Variants in SCMH1 observed in about 807,000 individuals in gnomAD.
SCMH1 encodes the protein polycomb protein SCMH1.
Under a neutral mutation model 70.8 loss-of-function variants are expected in SCMH1, and 37 were observed. That is an observed-to-expected ratio of 0.52 (90% CI 0.40 to 0.69). The LOEUF is 0.69. Ranked by LOEUF, SCMH1 falls within the 30% of genes least tolerant of loss-of-function variation. The pLI is 0.00. For missense variants in SCMH1, 607 were observed against 827.3 expected (o/e 0.73, Z 3.27); for synonymous variants, 292 against 307.4 (o/e 0.95, Z 0.52).
chr1:41,177,355 A>G (rs1164488326), intron 2 of SCMH1, among the ~76,000 whole-genome samples: 1 of 152,080 alleles, frequency 6.6e-6, no homozygotes, highest in Non-Finnish European at 1.5e-5. Context: ...AAAGGAACAC[A>G]GCTCCCCACC....
chr1:41,028,593 A>G (rs780503002), exon 14 of SCMH1: 2 of 1,614,134 alleles, frequency 1.2e-6, no homozygotes, highest in Non-Finnish European at 1.7e-6. Context: ...CGTGTTTGCG[A>G]AACAGGTCAG....
At chr1:41,134,901 TA>T (rs1259265996) in intron 6 of SCMH1, among the ~76,000 whole-genome samples, 1 of 152,178 alleles carries the variant, frequency 6.6e-6, no homozygotes, top group Admixed American at 6.5e-5. Context: ...TCTGGTTTAT[TA>T]TTTTTTTTTG....
At chr1:41,084,511 A>G (rs1175745157) in intron 8 of SCMH1, among the ~76,000 whole-genome samples, 1 of 152,148 alleles carries the variant, frequency 6.6e-6, no homozygotes, top group East Asian at 1.9e-4. Flanking sequence ...AAATAGGAAC[A>G]CTTTTACACT....
At chr1:41,119,396 T>C (rs937900351) in intron 6 of SCMH1, among the ~76,000 whole-genome samples, 2 of 150,234 alleles carry the variant, frequency 1.3e-5, no homozygotes, top group Admixed American at 6.7e-5. Flanking sequence ...AAAACTGCCA[T>C]CACTTCCTTT....
Position 41,233,361 on chromosome 1 carries a change from G to GC in SCMH1, c.-118+8697dup, listed in dbSNP as rs1482752505. Among the ~76,000 whole-genome samples the GC allele has an allele frequency of 3.3e-5, 5 of 152,066 alleles. No homozygotes were observed. The East Asian group carries it at 9.6e-4, about 29-fold the overall frequency. On this transcript the variant is annotated intron_variant, in intron 1 of 14. Transcript: ENST00000337495. ...TCTGAAAAATCCACTAAACTAGCAAGCTAAGTTTTATCTTTATCAAAACCA... is the reference window on the plus strand; with the variant it reads ...TCTGAAAAATCCACTAAACTAGCAAGCCTAAGTTTTATCTTTATCAAAACCA...
chr1:41,117,324 C>T (rs971981131), intron 6 of SCMH1, among the ~76,000 whole-genome samples: 1 of 152,102 alleles, frequency 6.6e-6, no homozygotes, highest in Non-Finnish European at 1.5e-5. Flanking sequence ...GAGAAGTGAC[C>T]AGAAGACAAG....
intron 1 of SCMH1, among the ~76,000 whole-genome samples, chr1:41,189,478 TTC>T (rs1363030613): frequency 1.3e-5 from 2 of 152,186 alleles, no homozygotes; most frequent in Admixed American, 6.5e-5. Context: ...TCTCAGCTGA[TTC>T]TCTGTCTCCA....
chr1:41,047,203 T>C (rs1477314728), intron 11 of SCMH1, among the ~76,000 whole-genome samples: 2 of 151,970 alleles, frequency 1.3e-5, no homozygotes, highest in Non-Finnish European at 2.9e-5. Context: ...TTTGGGGAGA[T>C]AGGTCATTCT....
At chr1:41,177,106 C>T (rs943263834) in intron 2 of SCMH1, among the ~76,000 whole-genome samples, 1 of 152,198 alleles carries the variant, frequency 6.6e-6, no homozygotes, top group Non-Finnish European at 1.5e-5. Flanking sequence ...CTGCAGCCTC[C>T]GCTGCTGATA....
At chr1:41,219,925 C>T (rs550220823) in intron 1 of SCMH1, among the ~76,000 whole-genome samples, 5 of 147,648 alleles carry the variant, frequency 3.4e-5, no homozygotes, top group East Asian at 2.0e-4. Flanking sequence ...AGCAAGACTC[C>T]GTCTCACAAA....
At chr1:41,069,166 C>T (rs959107829) in intron 10 of SCMH1, among the ~76,000 whole-genome samples, 1 of 152,092 alleles carries the variant, frequency 6.6e-6, no homozygotes, top group Non-Finnish European at 1.5e-5. Context: ...CAATTGAGAA[C>T]AGCATTTAAC....
chr1:41,207,797 G>A (rs1304057703), intron 1 of SCMH1, among the ~76,000 whole-genome samples: 1 of 151,946 alleles, frequency 6.6e-6, no homozygotes, highest in Non-Finnish European at 1.5e-5. Context: ...AGAGGATGTG[G>A]AGAAATAGGA....
At chr1:41,134,469 A>G (rs1642945382) in intron 6 of SCMH1, among the ~76,000 whole-genome samples, 1 of 152,208 alleles carries the variant, frequency 6.6e-6, no homozygotes, top group South Asian at 2.1e-4. Context: ...AAGGGTATTC[A>G]ATTAAGAAAA....
At chr1:41,240,619 T>C (rs1663306455) in intron 1 of SCMH1, among the ~76,000 whole-genome samples, 1 of 152,134 alleles carries the variant, frequency 6.6e-6, no homozygotes, top group South Asian at 2.1e-4. Flanking sequence ...CAAAACATTT[T>C]GATGTACATT....
At chr1:41,080,798 C>G (rs1300411272) in intron 8 of SCMH1, among the ~76,000 whole-genome samples, 1 of 151,924 alleles carries the variant, frequency 6.6e-6, no homozygotes, top group East Asian at 1.9e-4. Context: ...TATAAAAAAC[C>G]TATAATCAAC....
rs1558299676 is a variant in SCMH1, at chr1:41,034,137, T to C, written c.1678+3225A>G. 10 of 1,520,276 alleles carry C rather than the reference T, an allele frequency of 6.6e-6. No homozygotes were observed. In the South Asian group the frequency reaches 7.5e-5, roughly 11 times the overall value. 94.2% of individuals were successfully genotyped at this position (1,520,276 alleles called of 1,614,324 possible). On this transcript the variant is annotated intron_variant, in intron 13 of 14. Coordinates refer to ENST00000337495, the Ensembl canonical transcript of SCMH1. ...AGGAAGACCTGAGAGGTGAGATGAC[T>C]GACTCAAGTCTCAAAGCAAGGGAGC...
chr1:41,218,574 C>T (rs1184203802), intron 1 of SCMH1, among the ~76,000 whole-genome samples: 1 of 152,126 alleles, frequency 6.6e-6, no homozygotes, highest in Admixed American at 6.5e-5. Context: ...AGACTTCTAG[C>T]CTCCAGACTG....
At chr1:41,033,627 T>A (rs1043893008) in intron 13 of SCMH1, among the ~76,000 whole-genome samples, 1 of 152,194 alleles carries the variant, frequency 6.6e-6, no homozygotes, top group African/African-American at 2.4e-5. Flanking sequence ...AGTCTGAGCA[T>A]GACTAAGGCA....
intron 8 of SCMH1, among the ~76,000 whole-genome samples, chr1:41,089,787 C>CTTT (rs373229472): frequency 0.01 from 610 of 58,704 alleles, 110 homozygotes; most frequent in Middle Eastern, 0.038. Flanking sequence ...CATGTTGTCT[C>CTTT]TTTTTTTTTT....
Sources: gnomAD v4.1 joint callset for allele counts (sites outside exome capture counted in the v4.1 genomes callset) on GRCh38, gnomAD v4.1.1 for gene constraint, MANE v1.5 for transcripts, NCBI Gene and HGNC (gene_info 2026-07-23, HGNC 2026-07-21) for gene names.